The following LMOD1 variants were observed in gnomAD, a reference collection of about 807,000 sequenced individuals.
LMOD1 encodes the protein leiomodin 1.
Under a neutral mutation model 36.5 loss-of-function variants are expected in LMOD1, and 8 were observed. That is an observed-to-expected ratio of 0.22 (90% CI 0.13 to 0.40). The LOEUF is 0.40. Ranked by LOEUF, LMOD1 falls within the 10% of genes least tolerant of loss-of-function variation. LMOD1 has a pLI of 1.00. For synonymous variants in LMOD1, 284 were observed against 288.7 expected (o/e 0.98, Z 0.17); for missense variants, 630 against 751.1 (o/e 0.84, Z 1.88).
At chr1:201,929,312 C>T (rs1426953565) in intron 1 of LMOD1, among the ~76,000 whole-genome samples, 3 of 151,874 alleles carry the variant, frequency 2.0e-5, no homozygotes, top group Non-Finnish European at 4.4e-5. Flanking sequence ...AAACTTCTGA[C>T]TGCAGGTGAT....
intron 1 of LMOD1, among the ~76,000 whole-genome samples, chr1:201,915,529 A>C (rs1265483133): frequency 6.6e-6 from 1 of 151,954 alleles, no homozygotes; most frequent in African/African-American, 2.4e-5. Context: ...GGCTCCTCTA[A>C]ACACCCAGTG....
At chr1:201,936,555 C>T (rs925203162) in intron 1 of LMOD1, among the ~76,000 whole-genome samples, 1 of 152,136 alleles carries the variant, frequency 6.6e-6, no homozygotes, top group African/African-American at 2.4e-5. Flanking sequence ...CCTGCCCCCA[C>T]CCCAGGGCCT....
chr1:201,935,244 C>G (rs1195395264), intron 1 of LMOD1, among the ~76,000 whole-genome samples: 6 of 152,050 alleles, frequency 3.9e-5, no homozygotes, highest in African/African-American at 1.4e-4. Flanking sequence ...GAAATGGAAA[C>G]TGGCTGACGC....
At chr1:201,927,588 CA>C (rs72255474) in intron 1 of LMOD1, among the ~76,000 whole-genome samples, 35,982 of 137,680 alleles carry the variant, frequency 0.26, 4,477 homozygotes, top group Middle Eastern at 0.35. Flanking sequence ...ACAAAAAAAA[CA>C]AAAAAAAAAA....
chr1:201,900,724 C>G lies in LMOD1; in HGVS notation c.289G>C (p.Asp97His), dbSNP rs1393652104. 5 of 1,596,970 alleles carry G rather than the reference C, an allele frequency of 3.1e-6. No homozygotes were observed. The highest frequency in any genetic ancestry group is 2.2e-5 in the East Asian group (1 of 44,736). Reference sequence around the variant, plus strand: ...CCCCTTTCCTCTCCATTCTTGGCATCTGTCTTGGTCTCCACTTGCTTGCTT... The same window carrying G: ...CCCCTTTCCTCTCCATTCTTGGCATGTGTCTTGGTCTCCACTTGCTTGCTT... ...DESKQVETKTDAKNGEERGRD... is the reference protein window; with the variant it reads ...DESKQVETKTHAKNGEERGRD... Residue 97 changes from aspartate to histidine, a missense_variant, in exon 2 of 3, where the codon GAT (aspartate) becomes CAT (histidine). By Grantham distance (81) the Asp-to-His change is moderately conservative. Transcript: ENST00000367288.
In LMOD1 at chr1:201,898,179, G is replaced by C. The variant is rs1681224657; in HGVS notation, c.*193C>G. On this transcript the variant is annotated 3_prime_UTR_variant, in exon 3 of 3. Coordinates refer to ENST00000367288, the MANE Select transcript of LMOD1 (RefSeq NM_012134.3). Reference sequence around the variant, plus strand: ...CTAAAGCAAAATTTGGAGAGCCTCAGAGACAAGAAAAGGAAAGTGAGAAGA... The same window carrying C: ...CTAAAGCAAAATTTGGAGAGCCTCACAGACAAGAAAAGGAAAGTGAGAAGA... 1 of 631,480 alleles carries C rather than the reference G, an allele frequency of 1.6e-6. No individual in the cohort carries two copies. Among genetic ancestry groups the C allele is most frequent in the Non-Finnish European group, 2.8e-6 (1 of 353,390 alleles). 39.1% of individuals were successfully genotyped at this position (631,480 alleles called of 1,614,324 possible).
chr1:201,906,468 T>TA (rs1681414573), intron 1 of LMOD1, among the ~76,000 whole-genome samples: 1 of 152,060 alleles, frequency 6.6e-6, no homozygotes, highest in Non-Finnish European at 1.5e-5. Context: ...GACTTCCTGA[T>TA]ACCAGGCACT....
chr1:201,919,292 C>T (rs569713050), intron 1 of LMOD1, among the ~76,000 whole-genome samples: 1 of 151,884 alleles, frequency 6.6e-6, no homozygotes, highest in Non-Finnish European at 1.5e-5. Context: ...GCAACCTCCG[C>T]CTCCTGGGTT....
chr1:201,926,853 C>T (rs1328381416), intron 1 of LMOD1, among the ~76,000 whole-genome samples: 2 of 151,938 alleles, frequency 1.3e-5, no homozygotes, highest in Non-Finnish European at 2.9e-5. Context: ...CCTGTCTCTA[C>T]AAAAAATACA....
intron 1 of LMOD1, among the ~76,000 whole-genome samples, chr1:201,945,817 T>G (rs1183146895): frequency 5.9e-5 from 9 of 152,192 alleles, no homozygotes. Flanking sequence ...AAGGACACCT[T>G]CCAGCTCCCA....
chr1:201,940,183 C>CTTTTTTT (rs34390949), intron 1 of LMOD1, among the ~76,000 whole-genome samples: 45 of 123,414 alleles, frequency 3.6e-4, no homozygotes, highest in African/African-American at 1.1e-3. Flanking sequence ...CAGCCAAGCT[C>CTTTTTTT]TTTTTTTTTT....
intron 1 of LMOD1, among the ~76,000 whole-genome samples, chr1:201,919,793 TCTTTTTGTCC>T (rs1297308579): frequency 6.6e-6 from 1 of 152,170 alleles, no homozygotes; most frequent in Non-Finnish European, 1.5e-5. Context: ...GCCTTCTGGA[TCTTTTTGTCC>T]ACTAACCAGG....
chr1:201,916,399 AGCTACCTGGGAG>A (rs1404757790), intron 1 of LMOD1, among the ~76,000 whole-genome samples: 1 of 151,994 alleles, frequency 6.6e-6, no homozygotes, highest in African/African-American at 2.4e-5. Context: ...TTGTAGCCCT[AGCTACCTGGGAG>A]GCTGAGGTGA....
intron 1 of LMOD1, among the ~76,000 whole-genome samples, chr1:201,920,444 C>G (rs1245380267): frequency 6.6e-6 from 1 of 152,150 alleles, no homozygotes; most frequent in Admixed American, 6.5e-5. Context: ...AATGCAGCTC[C>G]CTTTTAGCAG....
At chr1:201,923,120 A>C (rs943448587) in intron 1 of LMOD1, among the ~76,000 whole-genome samples, 4 of 152,038 alleles carry the variant, frequency 2.6e-5, no homozygotes, top group Non-Finnish European at 5.9e-5. Context: ...CCACTGCGCC[A>C]GGCCAGGAGT....
At chr1:201,924,334 AAAAAG>A (rs1324394375) in intron 1 of LMOD1, among the ~76,000 whole-genome samples, 1 of 147,212 alleles carries the variant, frequency 6.8e-6, no homozygotes, top group Non-Finnish European at 1.5e-5. Flanking sequence ...AAAAAAAAAA[AAAAAG>A]AAAGCAAGGG....
intron 1 of LMOD1, among the ~76,000 whole-genome samples, chr1:201,922,643 G>A (rs1158293103): frequency 6.6e-6 from 1 of 151,740 alleles, no homozygotes; most frequent in Non-Finnish European, 1.5e-5. Flanking sequence ...AAATATTCTG[G>A]AATCAGGTAG....
At chr1:201,935,708 C>G (rs1475659043) in intron 1 of LMOD1, among the ~76,000 whole-genome samples, 3 of 151,844 alleles carry the variant, frequency 2.0e-5, no homozygotes, top group Non-Finnish European at 4.4e-5. Flanking sequence ...AGGTGCCCAC[C>G]ACCACGCCCA....
In LMOD1 at chr1:201,946,139, T is replaced by C; in HGVS notation, c.202A>G (p.Met68Val). ...QSTGVYNREA[M>V]LNFCEKETKK... The stretch of plus-strand genomic sequence containing the variant: ...GTCTCCTTTTCACAGAAGTTGAGCA[T>C]GGCCTCCCGGTTGTACACACCCGTG... Residue 68 changes from methionine (M) to valine (V), a missense_variant, in exon 1 of 3, where the codon ATG (methionine) becomes GTG (valine). By Grantham distance (21) the Met-to-Val change is conservative. Around this residue, in one of 3 missense-constraint regions of LMOD1, gnomAD observed 405 missense variants for 400.6 expected, o/e 1.01. Coordinates refer to ENST00000367288, the MANE Select transcript of LMOD1 (RefSeq NM_012134.3). 2.5e-6 allele frequency: 4 copies of C among 1,614,032 alleles called. No homozygotes were observed. The highest frequency in any genetic ancestry group is 3.4e-6 in the Non-Finnish European group (4 of 1,179,898).
Sources: gnomAD v4.1 joint callset for allele counts (sites outside exome capture counted in the v4.1 genomes callset) on GRCh38, gnomAD v4.1.1 for gene constraint, gnomAD v4.1.1 regional missense constraint, MANE v1.5 for transcripts, NCBI Gene and HGNC (gene_info 2026-07-23, HGNC 2026-07-21) for gene names.